Variants in DNAH2 observed in about 807,000 individuals in gnomAD.
DNAH2 encodes axonemal beta dynein heavy chain 2.
Under a neutral mutation model 523.5 loss-of-function variants are expected in DNAH2, and 323 were observed. The ratio of observed to expected loss-of-function variants is 0.62; its 90% CI spans 0.56 to 0.68. DNAH2 has a LOEUF of 0.68. DNAH2 is among the 30% of genes least tolerant of loss of function. DNAH2 has a pLI of 0.00. For synonymous variants in DNAH2, 2,093 were observed against 2,177.4 expected (o/e 0.96, Z 1.08); for missense variants, 4,907 against 5,701.5 (o/e 0.86, Z 4.49).
intron 2 of DNAH2, among the ~76,000 whole-genome samples, 167 bp from the exon 3 acceptor site, chr17:7,723,461 G>A (rs1448777637): frequency 2.0e-5 from 3 of 151,312 alleles, no homozygotes; most frequent in Admixed American, 1.3e-4. Context: ...TAGTAGAGAC[G>A]GGGTTTCACT....
intron 13 of DNAH2, among the ~76,000 whole-genome samples, chr17:7,758,010 A>G (rs2075892655): frequency 1.3e-5 from 2 of 152,206 alleles, no homozygotes; most frequent in Admixed American, 1.3e-4. Context: ...GGGGACACAC[A>G]CATTCAGACG....
At chr17:7,833,006 A>C (rs1198912354) in intron 84 of DNAH2, 65 bp from the exon 85 acceptor site, 20 of 1,613,132 alleles carry the variant, frequency 1.2e-5, no homozygotes, top group Admixed American at 1.7e-5. Flanking sequence ...GGAGAGAGGG[A>C]GCAGGTCAGG....
At chr17:7,756,946 C>T in intron 12 of DNAH2, 145 bp from the exon 13 acceptor site, 1 of 1,227,336 alleles carries the variant, frequency 8.1e-7, no homozygotes, top group Non-Finnish European at 1.1e-6. Context: ...GCTGGGATTA[C>T]AGGCGTGAGC....
intron 4 of DNAH2, among the ~76,000 whole-genome samples, chr17:7,729,836 CAT>C (rs745461882): frequency 2.6e-5 from 4 of 152,120 alleles, no homozygotes; most frequent in Non-Finnish European, 4.4e-5. Context: ...GTGAATAAAA[CAT>C]AAAACACCCA....
rs3803802 is a variant in DNAH2 at position 7,718,146 on chromosome 17, C to A, written c.-668C>A. On this transcript the variant is annotated 5_prime_UTR_variant, in exon 1 of 86. Transcript: ENST00000572933. ...CTGGCCCCTGCGGTATTTCCTAGTA[C>A]TAGAGTGAGCCCCGACTTAGCAGAG... 68,639 of 151,934 alleles carry A rather than the reference C, an allele frequency of 0.45. 15,532 individuals are homozygous for A. Among genetic ancestry groups the A allele is most frequent in the East Asian group, 0.58 (2,973 of 5,140 alleles). The allele number at this position is 151,934 out of a possible 1,614,324, so 9.4% of individuals were successfully genotyped here.
At chr17:7,824,038 G>A (rs764555292) in intron 75 of DNAH2, 56 bp downstream of exon 75, 16 of 1,589,766 alleles carry the variant, frequency 1.0e-5, no homozygotes, top group Admixed American at 5.1e-5. Flanking sequence ...TGCCTCCCTC[G>A]CTCTGTTTCA....
chr17:7,758,504 C>A lies in DNAH2; in HGVS notation c.2061C>A (p.Ala687=). 6.2e-7 allele frequency: 1 copy of A among 1,613,824 alleles called. No homozygotes were observed. Among genetic ancestry groups the A allele is most frequent in the South Asian group, 1.1e-5 (1 of 90,960 alleles). Reference sequence around the variant, plus strand: ...CCTCTCTTATGCACAGGATTATTGCCATGCTGTCCCCAGATGAGCAGGCCC... The same window carrying A: ...CCTCTCTTATGCACAGGATTATTGCAATGCTGTCCCCAGATGAGCAGGCCC... ...LVARDYNRII[A]MLSPDEQALF... is the part of the protein sequence containing the mutation. The change falls in exon 14 of 86, where the codon GCC becomes GCA. Residue 687 remains alanine, a synonymous_variant. Coordinates refer to ENST00000572933, the MANE Select transcript of DNAH2 (RefSeq NM_020877.5).
At position 7,778,112 on chromosome 17, in the gene DNAH2, G is replaced by A. The variant is rs763579354; in HGVS notation, c.5283G>A (p.Thr1761=). The A allele has an allele frequency of 1.7e-5, 27 of 1,614,058 alleles. No homozygotes were observed. The highest frequency in any genetic ancestry group is 1.6e-4 in the Middle Eastern group (1 of 6,062). Residue 1761 remains threonine (T), a synonymous_variant, in exon 34 of 86, where the codon ACG becomes ACA. Transcript: ENST00000572933. ...LDDCVIRQTN[T]QFQYNYEYLG... ...ACTGTGTCATCCGCCAGACCAACAC[G>A]CAATTTCAGTATAATTATGAGTACT...
At chr17:7,785,337 A>G (rs983446908) in intron 39 of DNAH2, among the ~76,000 whole-genome samples, 2 of 152,192 alleles carry the variant, frequency 1.3e-5, no homozygotes, top group African/African-American at 4.8e-5. Flanking sequence ...TCCTGACCTC[A>G]GGCGATCTGT....
In DNAH2 at chr17:7,832,993, G is replaced by A; in HGVS notation, c.12978+65G>A. 5.0e-6 allele frequency: 8 copies of A among 1,613,632 alleles called. No individual in the cohort carries two copies. The highest frequency in any genetic ancestry group is 1.1e-5 in the South Asian group (1 of 91,080). On this transcript the variant is annotated intron_variant, in intron 84 of 85. Coordinates refer to ENST00000572933, the MANE Select transcript of DNAH2 (RefSeq NM_020877.5). This position sits in a 1 kb window ranked among gnomAD's most constrained non-coding sequence, Gnocchi z 4.3. Reference sequence around the variant, plus strand: ...GTACTGGAAATAATTGGACGAAAAGGGAGGAGAGAGGGAGCAGGTCAGGGG... The same window carrying A: ...GTACTGGAAATAATTGGACGAAAAGAGAGGAGAGAGGGAGCAGGTCAGGGG...
rs1322593205 is a variant in DNAH2, at chr17:7,764,284, T to C, written c.3336+11T>C. The stretch of plus-strand genomic sequence containing the variant: ...CCAGTCGAGGACAGTGTGAGTTCCT[T>C]TGGTGTTTGGTTTACCTGGGACCCG... On this transcript the variant is annotated intron_variant, in intron 20 of 85. Coordinates refer to ENST00000572933, the MANE Select transcript of DNAH2 (RefSeq NM_020877.5). 6.3e-7 allele frequency: 1 copy of C among 1,585,954 alleles called. No individual in the cohort carries two copies. The highest frequency in any genetic ancestry group is 2.2e-5 in the East Asian group (1 of 44,724).
intron 64 of DNAH2, 146 bp downstream of exon 64, chr17:7,816,881 C>G: frequency 9.9e-7 from 1 of 1,014,232 alleles, no homozygotes; most frequent in Admixed American, 2.9e-5. Flanking sequence ...GAGCTCTTCC[C>G]CTCCCCCTGC....
In DNAH2 at chr17:7,798,140, A is replaced by G. The variant is rs764387147; in HGVS notation, c.8231-17A>G. 4 of 1,573,888 alleles carry G rather than the reference A, an allele frequency of 2.5e-6. No individual in the cohort carries two copies. Among genetic ancestry groups the G allele is most frequent in the Middle Eastern group, 1.7e-4 (1 of 5,842 alleles). ...TGCTCAGCCAACTCATTACCCTCAC[A>G]CCCACCCCACCCCCAGTCACACGGA... On this transcript the variant is annotated splice_polypyrimidine_tract_variant and intron_variant, in intron 53 of 85. Coordinates refer to ENST00000572933, the MANE Select transcript of DNAH2 (RefSeq NM_020877.5). This position sits in a 1 kb window ranked among gnomAD's most constrained non-coding sequence, Gnocchi z 5.5.
In DNAH2 at chr17:7,824,579, G is replaced by A; in HGVS notation, c.11705G>A (p.Trp3902Ter). The A allele has an allele frequency of 6.3e-7, 1 of 1,594,576 alleles. No individual in the cohort carries two copies. The highest frequency in any genetic ancestry group is 8.6e-7 in the Non-Finnish European group (1 of 1,166,388). Residue 3902 changes from tryptophan (W) to a stop codon, truncating the protein, a stop_gained, in exon 77 of 86, where the codon TGG becomes TAG. Coordinates refer to ENST00000572933, the MANE Select transcript of DNAH2 (RefSeq NM_020877.5). LOFTEE classifies it high-confidence loss of function. ...GCAAACTGCCACCTGTCACTGTCTT[G>A]GATGCCTAATCTGGACAAGCTGGTG... ...FLANCHLSLS[W>*]MPNLDKLVEQ... is the part of the protein sequence containing the mutation.
At chr17:7,745,045 A>G (rs2075476242) in intron 12 of DNAH2, among the ~76,000 whole-genome samples, 1 of 150,586 alleles carries the variant, frequency 6.6e-6, no homozygotes, top group African/African-American at 2.4e-5. Flanking sequence ...CCCAGGTTGG[A>G]GTGCAGTGGC....
At chr17:7,770,958 T>G (rs764068007) in intron 27 of DNAH2, 25 bp downstream of exon 27, 9 of 1,607,756 alleles carry the variant, frequency 5.6e-6, no homozygotes. Flanking sequence ...CCTGAGCTCT[T>G]CCTGCTTCCT....
At chr17:7,790,890 T>C (rs1009270538) in intron 44 of DNAH2, among the ~76,000 whole-genome samples, 2 of 151,686 alleles carry the variant, frequency 1.3e-5, no homozygotes, top group African/African-American at 4.8e-5. Context: ...GTTGTTGTTG[T>C]TGAGACAGGT....
At chr17:7,817,441 G>A in intron 65 of DNAH2, 26 bp downstream of exon 65, 1 of 1,613,732 alleles carries the variant, frequency 6.2e-7, no homozygotes. Context: ...GGCATGACAA[G>A]TAGGCTCCGA....
intron 8 of DNAH2, 23 bp from the exon 9 acceptor site, chr17:7,739,710 C>T (rs2075250479): frequency 6.2e-7 from 1 of 1,604,844 alleles, no homozygotes; most frequent in African/African-American, 1.3e-5. Flanking sequence ...AAGCAGGAAC[C>T]CTCATGCTGT....
Sources: allele counts gnomAD v4.1 joint callset (sites outside exome capture counted in the v4.1 genomes callset), GRCh38; gene constraint gnomAD v4.1.1; non-coding constraint Gnocchi (gnomAD v3.1); transcripts MANE v1.5; gene names NCBI Gene and HGNC (gene_info 2026-07-23, HGNC 2026-07-21).